CENPP: variants seen among roughly 807,000 people sequenced by gnomAD.
CENPP encodes centromere protein P.
CENPP carries 24 observed loss-of-function variants against 35.6 expected under a neutral mutation model. The observed-to-expected ratio is 0.67, with a 90% CI of 0.49 to 0.95. The LOEUF (loss-of-function observed/expected upper bound fraction) is 0.95. Among genes scored for constraint, CENPP ranks in the 40% least tolerant of loss-of-function variants. The probability of loss-of-function intolerance (pLI) is 0.00; values close to 1 mark genes in which losing one functional copy is unlikely to be tolerated. For synonymous variants in CENPP, 120 were observed against 125.5 expected (o/e 0.96, Z 0.29); for missense variants, 332 against 345.3 (o/e 0.96, Z 0.31).
intron 5 of CENPP, among the ~76,000 whole-genome samples, chr9:92,607,245 C>T (rs1411885856): frequency 1.3e-5 from 2 of 152,162 alleles, no homozygotes; most frequent in Non-Finnish European, 2.9e-5. Context: ...GTGCCAGTTA[C>T]TGCGGAGTCT....
intron 5 of CENPP, among the ~76,000 whole-genome samples, chr9:92,489,362 A>G (rs1846128225): frequency 6.6e-6 from 1 of 152,212 alleles, no homozygotes; most frequent in Non-Finnish European, 1.5e-5. Flanking sequence ...GCCTCTGCCC[A>G]AAGTTTGCTA....
At chr9:92,596,445 CAAAAAAAAAAAAA>C (rs60383394) in intron 5 of CENPP, among the ~76,000 whole-genome samples, 3 of 72,000 alleles carry the variant, frequency 4.2e-5, no homozygotes, top group African/African-American at 1.7e-4. Flanking sequence ...GACCCTGTGT[CAAAAAAAAAAAAA>C]AAAAAAAAAA....
intron 5 of CENPP, among the ~76,000 whole-genome samples, chr9:92,407,442 A>G (rs1180479111): frequency 6.6e-6 from 1 of 152,228 alleles, no homozygotes; most frequent in Non-Finnish European, 1.5e-5. Context: ...AATCTTTACT[A>G]CACAGTACTC....
At chr9:92,417,647 G>A in intron 5 of CENPP, 1 of 823,746 alleles carries the variant, frequency 1.2e-6, no homozygotes, top group East Asian at 2.7e-5. Context: ...TAAATTCTCA[G>A]TTATATGAAA....
intron 5 of CENPP, among the ~76,000 whole-genome samples, chr9:92,578,044 G>A (rs1588291403): frequency 6.8e-6 from 1 of 147,756 alleles, no homozygotes; most frequent in East Asian, 2.0e-4. Context: ...GTGAGAATAT[G>A]CAGTGTTTGG....
rs553329477 is a variant in CENPP at position 92,473,224 on chromosome 9, G to T, written c.564+93365G>T. Among the ~76,000 whole-genome samples the T allele has an allele frequency of 2.6e-5, 4 of 152,154 alleles. No homozygotes were observed. In the East Asian group the frequency reaches 7.7e-4, roughly 29 times the overall value. ...GGAGTAGTTTTATGCAATGTCTCAT[G>T]CAGGGTCTTCATGTTGGAAGCATAT... On this transcript the variant is annotated intron_variant, in intron 5 of 7. Coordinates refer to ENST00000375587, the MANE Select transcript of CENPP (RefSeq NM_001012267.3).
chr9:92,435,223 C>G (rs1844219939), intron 5 of CENPP, among the ~76,000 whole-genome samples: 1 of 152,050 alleles, frequency 6.6e-6, no homozygotes, highest in Non-Finnish European at 1.5e-5. Context: ...ATTTATAAAT[C>G]CCCAAGGTTC....
chr9:92,499,205 A>G (rs1846531213), intron 5 of CENPP, among the ~76,000 whole-genome samples: 1 of 152,212 alleles, frequency 6.6e-6, no homozygotes, highest in African/African-American at 2.4e-5. Context: ...TGAAAGCCTA[A>G]GTATATATTG....
chr9:92,343,268 C>T (rs1456148411), intron 3 of CENPP, among the ~76,000 whole-genome samples: 4 of 152,122 alleles, frequency 2.6e-5, no homozygotes, highest in Non-Finnish European at 5.9e-5. Context: ...TGAATGATTA[C>T]TCATGTTGGT....
intron 5 of CENPP, among the ~76,000 whole-genome samples, chr9:92,400,029 TA>T (rs1564299965): frequency 6.6e-6 from 1 of 152,218 alleles, no homozygotes; most frequent in African/African-American, 2.4e-5. Flanking sequence ...TCCAGCTTTA[TA>T]AAAAAATTTA....
chr9:92,496,320 T>C, intron 5 of CENPP: 2 of 1,575,646 alleles, frequency 1.3e-6, no homozygotes, highest in East Asian at 4.6e-5. Flanking sequence ...TGGAATTACT[T>C]GATGTTTTGT....
At chr9:92,537,564 G>A (rs1202008327) in intron 5 of CENPP, among the ~76,000 whole-genome samples, 2 of 152,136 alleles carry the variant, frequency 1.3e-5, no homozygotes, top group Non-Finnish European at 2.9e-5. Context: ...GGAGGCTGAG[G>A]TAGGAGAATC....
chr9:92,342,921 A>G (rs1278488254), intron 3 of CENPP, among the ~76,000 whole-genome samples: 1 of 152,238 alleles, frequency 6.6e-6, no homozygotes, highest in Non-Finnish European at 1.5e-5. Flanking sequence ...TGCCTTCTAA[A>G]ATAGTTTTAC....
At chr9:92,403,606 G>T in intron 5 of CENPP, 1 of 1,217,252 alleles carries the variant, frequency 8.2e-7, no homozygotes. Context: ...TTAGATGCTA[G>T]CAGTTTTTAT....
chr9:92,466,311 C>T, intron 5 of CENPP: 2 of 1,237,684 alleles, frequency 1.6e-6, no homozygotes, highest in Non-Finnish European at 2.4e-6. Context: ...TCTACATCTG[C>T]TTGTTTGTTA....
chr9:92,365,652 C>A (rs1350751510), intron 4 of CENPP, among the ~76,000 whole-genome samples: 3 of 151,652 alleles, frequency 2.0e-5, no homozygotes, highest in Admixed American at 2.0e-4. Flanking sequence ...CTTAGGTGAT[C>A]CACCCGTCTG....
At chr9:92,522,783 C>T (rs1342805964) in intron 5 of CENPP, 2 of 1,613,754 alleles carry the variant, frequency 1.2e-6, no homozygotes, top group Admixed American at 1.7e-5. Flanking sequence ...TCCTCCTTTG[C>T]TTCCTAGGAA....
intron 4 of CENPP, among the ~76,000 whole-genome samples, chr9:92,352,510 C>CAT (rs67070835): frequency 0.15 from 7,590 of 50,366 alleles, 993 homozygotes; most frequent in Admixed American, 0.2. Context: ...TGTGTGTATA[C>CAT]ATATATATAT....
Position 92,496,243 on chromosome 9 carries a change from T to C in CENPP, c.565-115071T>C, listed in dbSNP as rs1214877652. The C allele has an allele frequency of 4.0e-6, 6 of 1,505,166 alleles. No individual in the cohort carries two copies. In the Admixed American group the frequency reaches 9.3e-5, roughly 23 times the overall value. The allele number at this position is 1,505,166 out of a possible 1,614,324, so 93.2% of individuals were successfully genotyped here. ...GAGTATAACAGGAGGATTATGTCTCTCTTATTAATGACAAATGCAGCTACT... is the reference window on the plus strand; with the variant it reads ...GAGTATAACAGGAGGATTATGTCTCCCTTATTAATGACAAATGCAGCTACT... On this transcript the variant is annotated intron_variant, in intron 5 of 7. Coordinates refer to ENST00000375587, the MANE Select transcript of CENPP (RefSeq NM_001012267.3).
Sources: gnomAD v4.1 joint callset for allele counts (sites outside exome capture counted in the v4.1 genomes callset) on GRCh38, gnomAD v4.1.1 for gene constraint, MANE v1.5 for transcripts, NCBI Gene and HGNC (gene_info 2026-07-23, HGNC 2026-07-21) for gene names.